The following MCTP1 variants were observed in gnomAD, a reference collection of about 807,000 sequenced individuals.
MCTP1 encodes multiple C2 and transmembrane domain containing 1.
Under a neutral mutation model 120.6 loss-of-function variants are expected in MCTP1, and 69 were observed. The observed-to-expected ratio is 0.57, with a 90% CI of 0.47 to 0.70. The LOEUF (loss-of-function observed/expected upper bound fraction) is 0.70. MCTP1 is among the 30% of genes least tolerant of loss of function. The pLI is 0.00. For synonymous variants in MCTP1, 529 were observed against 493.1 expected (o/e 1.07, Z -0.96); for missense variants, 1,203 against 1,248.8 (o/e 0.96, Z 0.55).
chr5:95,152,054 T>G (rs1760942507), intron 1 of MCTP1, among the ~76,000 whole-genome samples: 1 of 152,218 alleles, frequency 6.6e-6, no homozygotes, highest in South Asian at 2.1e-4. Flanking sequence ...AAAAAAAGTT[T>G]TGGATTATGA....
chr5:94,739,318 G>T (rs1291311569), intron 19 of MCTP1: 1 of 152,174 alleles, frequency 6.6e-6, no homozygotes, highest in Admixed American at 6.5e-5. Flanking sequence ...CAGGGCATAG[G>T]ATTCATGAAA....
At chr5:95,099,452 A>G (rs1756540332) in intron 1 of MCTP1, among the ~76,000 whole-genome samples, 1 of 152,080 alleles carries the variant, frequency 6.6e-6, no homozygotes, top group Non-Finnish European at 1.5e-5. Context: ...CCCATCAAAA[A>G]GTGGGCGAAG....
chr5:95,098,778 G>A (rs1416409005), intron 1 of MCTP1, among the ~76,000 whole-genome samples: 3 of 151,912 alleles, frequency 2.0e-5, no homozygotes, highest in Admixed American at 6.6e-5. Flanking sequence ...CTACTTTAAA[G>A]TTCATATGGA....
intron 1 of MCTP1, among the ~76,000 whole-genome samples, chr5:95,061,408 G>GTTTTT (rs556663513): frequency 1.5e-4 from 5 of 33,488 alleles, no homozygotes; most frequent in South Asian, 1.1e-3. Flanking sequence ...CCCCTTAAGG[G>GTTTTT]TTTTTTTTTT....
chr5:94,768,671 C>T (rs1305924163), intron 19 of MCTP1, among the ~76,000 whole-genome samples: 2 of 151,974 alleles, frequency 1.3e-5, no homozygotes, highest in Non-Finnish European at 2.9e-5. Flanking sequence ...AAATGCAAAC[C>T]AAAACTACAA....
chr5:94,958,165 AC>A (rs1316501271), intron 2 of MCTP1, among the ~76,000 whole-genome samples: 4 of 152,226 alleles, frequency 2.6e-5, no homozygotes, highest in Non-Finnish European at 5.9e-5. Flanking sequence ...CTCCTGAATG[AC>A]AAATGAGTAA....
chr5:95,130,478 C>T (rs976215341), intron 1 of MCTP1, among the ~76,000 whole-genome samples: 1 of 152,162 alleles, frequency 6.6e-6, no homozygotes, highest in African/African-American at 2.4e-5. Flanking sequence ...AGCTAACAAC[C>T]AATAAGATAT....
chr5:95,161,193 G>A (rs1025064748), intron 1 of MCTP1, among the ~76,000 whole-genome samples: 6 of 152,082 alleles, frequency 3.9e-5, no homozygotes, highest in Non-Finnish European at 8.8e-5. Flanking sequence ...AAGCAACCTA[G>A]GTGTCCATCA....
chr5:94,880,781 T>G (rs1799885425), intron 12 of MCTP1, among the ~76,000 whole-genome samples: 1 of 152,184 alleles, frequency 6.6e-6, no homozygotes. Flanking sequence ...TATTTTTTGT[T>G]GGCAAATGTA....
Position 94,894,706 on chromosome 5 carries a change from G to A in MCTP1, c.1782C>T (p.Asp594=). 1.9e-6 allele frequency: 3 copies of A among 1,613,726 alleles called. No individual in the cohort carries two copies. Among genetic ancestry groups the A allele is most frequent in the Non-Finnish European group, 2.5e-6 (3 of 1,179,682 alleles). ...GGTCCTCCAGGGAGTTGACAGACAG[G>A]TCAGAGATGCTGACTGTGGCTGATG... The part of the protein sequence containing the change: ...LTASATVSIS[D]LSVNSLEDQK... Residue 594 remains aspartate, a synonymous_variant, in exon 11 of 23, where the codon GAC becomes GAT. Transcript: ENST00000515393.
At chr5:94,812,572 A>G (rs180960013) in intron 17 of MCTP1, among the ~76,000 whole-genome samples, 1 of 152,216 alleles carries the variant, frequency 6.6e-6, no homozygotes, top group African/African-American at 2.4e-5. Context: ...AATGAGCACA[A>G]TAACGTAAAA....
At chr5:95,012,126 T>G (rs1465384146) in intron 2 of MCTP1, among the ~76,000 whole-genome samples, 1 of 152,078 alleles carries the variant, frequency 6.6e-6, no homozygotes, top group Non-Finnish European at 1.5e-5. Context: ...TTAGGAAATA[T>G]ACACACACAC....
intron 19 of MCTP1, among the ~76,000 whole-genome samples, chr5:94,750,782 T>A (rs1282403895): frequency 6.6e-6 from 1 of 152,166 alleles, no homozygotes; most frequent in African/African-American, 2.4e-5. Flanking sequence ...TCTTGACTGG[T>A]CTATTCTTAC....
intron 13 of MCTP1, among the ~76,000 whole-genome samples, chr5:94,872,647 G>A (rs1198137385): frequency 2.6e-5 from 4 of 151,940 alleles, no homozygotes; most frequent in African/African-American, 4.8e-5. Context: ...TAAAACAAAA[G>A]GAAAATTAAC....
At chr5:94,873,071 A>T (rs1314430150) in intron 13 of MCTP1, 68 bp downstream of exon 13, 5 of 913,360 alleles carry the variant, frequency 5.5e-6, no homozygotes, top group African/African-American at 5.0e-5. Flanking sequence ...CATTTTTTTT[A>T]AAACCCTCAA....
intron 1 of MCTP1, among the ~76,000 whole-genome samples, chr5:95,169,892 C>T (rs1046904461): frequency 6.6e-6 from 1 of 152,142 alleles, no homozygotes; most frequent in Admixed American, 6.5e-5. Flanking sequence ...GTCTCTATCT[C>T]CTTCAGTTCT....
At chr5:95,012,327 G>T (rs1836165702) in intron 2 of MCTP1, among the ~76,000 whole-genome samples, 1 of 152,022 alleles carries the variant, frequency 6.6e-6, no homozygotes, top group Admixed American at 6.6e-5. Context: ...CTTGTTCCTG[G>T]TATATCATTA....
chr5:95,091,105 C>G (rs984402120), intron 1 of MCTP1, among the ~76,000 whole-genome samples: 1 of 152,126 alleles, frequency 6.6e-6, no homozygotes, highest in Admixed American at 6.5e-5. Context: ...ACCTTCCCCC[C>G]AACCCCAAAC....
intron 1 of MCTP1, among the ~76,000 whole-genome samples, chr5:95,208,156 C>T (rs779454433): frequency 2.0e-5 from 3 of 152,194 alleles, no homozygotes; most frequent in Non-Finnish European, 4.4e-5. Context: ...ATGGCATGAT[C>T]TCGGCTCACT....
Sources: gnomAD v4.1 joint callset for allele counts (sites outside exome capture counted in the v4.1 genomes callset) on GRCh38, gnomAD v4.1.1 for gene constraint, MANE v1.5 for transcripts, NCBI Gene and HGNC (gene_info 2026-07-23, HGNC 2026-07-21) for gene names.